Variants in APMAP observed in about 807,000 individuals in gnomAD.
The protein encoded by APMAP is adipocyte plasma membrane associated protein.
In APMAP, 33 loss-of-function variants were observed where a neutral mutation model predicts 43.6. The ratio of observed to expected loss-of-function variants is 0.76; its 90% CI spans 0.57 to 1.01. The LOEUF is 1.01. APMAP is among the 50% of genes least tolerant of loss of function. The pLI is 0.00. For missense variants in APMAP, 498 were observed against 540.7 expected (o/e 0.92, Z 0.78); for synonymous variants, 224 against 216.7 (o/e 1.03, Z -0.30).
At chr20:24,980,854 T>C (rs963766233) in intron 2 of APMAP, among the ~76,000 whole-genome samples, 2 of 151,036 alleles carry the variant, frequency 1.3e-5, no homozygotes, top group Non-Finnish European at 3.0e-5. Flanking sequence ...GCTGCCAGCT[T>C]CGCTCGGCCT....
chr20:24,978,367 T>C (rs1457430022), intron 3 of APMAP, among the ~76,000 whole-genome samples: 1 of 152,228 alleles, frequency 6.6e-6, no homozygotes. Context: ...TGAGAACCAT[T>C]TGTCTTCATC....
intron 2 of APMAP, among the ~76,000 whole-genome samples, chr20:24,980,387 G>T (rs944773507): frequency 6.6e-6 from 1 of 152,232 alleles, no homozygotes; most frequent in African/African-American, 2.4e-5. Flanking sequence ...TGGGGCAATT[G>T]GTGCCATGCT....
chr20:24,963,691 G>A lies in APMAP; in HGVS notation c.*122C>T. ...AGCAGCCATTCCCACCACCTCTCAG[G>A]GACTAACAGGTGCATGTGGACACTT... On this transcript the variant is annotated 3_prime_UTR_variant, in exon 9 of 9. Transcript: ENST00000217456. 4 of 1,025,566 alleles carry A rather than the reference G, an allele frequency of 3.9e-6. No individual in the cohort carries two copies. The highest frequency in any genetic ancestry group is 4.4e-6 in the Non-Finnish European group (3 of 684,418). The allele number at this position is 1,025,566 out of a possible 1,614,324, so 63.5% of individuals were successfully genotyped here. A position where few individuals can be genotyped will look rare whatever the true frequency, so the allele number is the denominator to read the frequency against.
At chr20:24,971,600 T>C (rs780179816) in intron 4 of APMAP, 24 bp from the exon 5 acceptor site, 2 of 1,590,774 alleles carry the variant, frequency 1.3e-6, no homozygotes, top group South Asian at 2.2e-5. Context: ...CAGATGGGGA[T>C]TGGTAGCTGG....
Position 24,970,341 on chromosome 20 carries a change from G to A in APMAP, c.569C>T (p.Thr190Ile), listed in dbSNP as rs2087987802. Residue 190 changes from threonine (T) to isoleucine (I), a missense_variant, in exon 6 of 9, where the codon ACA becomes ATA. Physicochemically the swap from Thr to Ile is moderately conservative, Grantham distance 89. Coordinates refer to ENST00000217456, the MANE Select transcript of APMAP (RefSeq NM_020531.3). ...GGACATGTTCTTCCCCTCAATGGGTGTCTCGGAGGACAGCAGCAGTTTCAC... is the reference window on the plus strand; with the variant it reads ...GGACATGTTCTTCCCCTCAATGGGTATCTCGGAGGACAGCAGCAGTTTCAC... ...REVKLLLSSE[T>I]PIEGKNMSFV... The A allele has an allele frequency of 6.2e-7, 1 of 1,613,318 alleles. No individual in the cohort carries two copies. Among genetic ancestry groups the A allele is most frequent in the Non-Finnish European group, 8.5e-7 (1 of 1,179,576 alleles).
intron 5 of APMAP, among the ~76,000 whole-genome samples, chr20:24,970,914 C>T (rs1000158229): frequency 2.0e-5 from 3 of 152,120 alleles, no homozygotes; most frequent in Non-Finnish European, 4.4e-5. Flanking sequence ...GAGTGGAATG[C>T]CCCCAAGCAG....
At chr20:24,967,231 G>T (rs1349057092) in intron 8 of APMAP, among the ~76,000 whole-genome samples, 1 of 152,214 alleles carries the variant, frequency 6.6e-6, no homozygotes, top group Non-Finnish European at 1.5e-5. Flanking sequence ...GGAGGCAGAG[G>T]TTGCAGTGAG....
chr20:24,973,817 T>C lies in APMAP; in HGVS notation c.329-80A>G, dbSNP rs2088027203. 14 of 1,255,192 alleles carry C rather than the reference T, an allele frequency of 1.1e-5. No homozygotes were observed. In the South Asian group the frequency reaches 1.6e-4, roughly 14 times the overall value. The allele number at this position is 1,255,192 out of a possible 1,614,324, so 77.8% of individuals were successfully genotyped here. On this transcript the variant is annotated intron_variant, in intron 3 of 8. Transcript: ENST00000217456. ...AAGCCGCCTTCTCCTACAAGAGGGC[T>C]TGTTTACATGTTCCCCCTGCCCTAT...
At chr20:24,978,738 G>GCCCCC (rs754035209) in intron 3 of APMAP, 29 bp downstream of exon 3, 64 of 1,310,676 alleles carry the variant, frequency 4.9e-5, no homozygotes, top group Middle Eastern at 2.5e-4. Context: ...AGCCTGGAAG[G>GCCCCC]CTCCCCCCCC....
chr20:24,963,790 G>A lies in APMAP; in HGVS notation c.*23C>T. 18 of 1,610,708 alleles carry A rather than the reference G, an allele frequency of 1.1e-5. No homozygotes were observed. Among genetic ancestry groups the A allele is most frequent in the Non-Finnish European group, 1.5e-5 (18 of 1,177,228 alleles). On this transcript the variant is annotated 3_prime_UTR_variant, in exon 9 of 9. Coordinates refer to ENST00000217456, the MANE Select transcript of APMAP (RefSeq NM_020531.3). ...AGTGTGAAGACTCCTGGCCTGCGTG[G>A]CAGGGGCAGCTATCTGGGAGGGCTA...
At position 24,992,648 on chromosome 20, in the gene APMAP, C is replaced by A. The variant is rs758807195; in HGVS notation, c.41G>T (p.Arg14Leu). Residue 14 changes from arginine (R) to leucine (L), a missense_variant, in exon 1 of 9, where the codon CGG becomes CTG. By Grantham distance (102) the Arg-to-Leu change is moderately radical. Transcript: ENST00000217456. ...ADGLRQRRPL[R>L]PQVVTDDDGQ... ...ATCATCGTCTGTGACGACCTGCGGC[C>A]GCAGGGGCCGGCGCTGTCGCAGCCC... is the stretch of plus-strand genomic sequence containing the variant. The A allele has an allele frequency of 2.6e-6, 4 of 1,564,436 alleles. No homozygotes were observed. The South Asian group carries it at 3.5e-5, about 14-fold the overall frequency.
At position 24,971,006 on chromosome 20, in the gene APMAP, A is replaced by G. The variant is rs539686218; in HGVS notation, c.538+454T>C. 9.8e-5 allele frequency among the ~76,000 whole-genome samples: 15 copies of G among 152,340 alleles called. No individual in the cohort carries two copies. The East Asian group carries it at 2.9e-3, about 29-fold the overall frequency. ...AGCAGGAACCTCCACTGAGACACAC[A>G]GCACGTATTACAGCCTGATCAAGGG... On this transcript the variant is annotated intron_variant, in intron 5 of 8. Coordinates refer to ENST00000217456, the MANE Select transcript of APMAP (RefSeq NM_020531.3).
At chr20:24,987,167 G>C (rs141419479) in intron 1 of APMAP, among the ~76,000 whole-genome samples, 2,240 of 152,238 alleles carry the variant, frequency 0.015, 61 homozygotes, top group African/African-American at 0.05. Context: ...ATGTCAACCA[G>C]GCTGGAGTAC....
chr20:24,970,220 C>T lies in APMAP; in HGVS notation c.690G>A (p.Val230=). Residue 230 remains valine (V), a synonymous_variant, in exon 6 of 9, where the codon GTG becomes GTA. Transcript: ENST00000217456. ...KWQRRDYLLL[V]MEGTDDGRLL... is the part of the protein sequence containing the mutation. ...ACCGCCCGTCATCTGTGCCCTCCAT[C>T]ACCAGAAGCAGGTAGTCTCGTCTTT... 6.2e-7 allele frequency: 1 copy of T among 1,614,192 alleles called. No homozygotes were observed. The highest frequency in any genetic ancestry group is 8.5e-7 in the Non-Finnish European group (1 of 1,180,038).
intron 1 of APMAP, among the ~76,000 whole-genome samples, chr20:24,987,087 T>C (rs1030840473): frequency 3.9e-5 from 6 of 152,238 alleles, no homozygotes; most frequent in East Asian, 3.8e-4. Flanking sequence ...TGATTATGTA[T>C]GTATCTACCA....
intron 8 of APMAP, among the ~76,000 whole-genome samples, chr20:24,965,696 T>C (rs1050883462): frequency 2.6e-5 from 4 of 152,150 alleles, no homozygotes; most frequent in African/African-American, 7.2e-5. Context: ...CTCCAGCACA[T>C]GGTCAGGGAG....
At chr20:24,989,786 A>C (rs1301216583) in intron 1 of APMAP, among the ~76,000 whole-genome samples, 1 of 152,236 alleles carries the variant, frequency 6.6e-6, no homozygotes, top group Non-Finnish European at 1.5e-5. Flanking sequence ...CACCTGGGGC[A>C]AAGCTGAGAC....
chr20:24,965,287 C>A (rs1259884774), intron 8 of APMAP, among the ~76,000 whole-genome samples: 1 of 152,264 alleles, frequency 6.6e-6, no homozygotes, highest in African/African-American at 2.4e-5. Context: ...GCCCTGCCGC[C>A]TCTCCCCAGT....
At chr20:24,982,864 C>A (rs1185543896) in intron 2 of APMAP, among the ~76,000 whole-genome samples, 2 of 152,174 alleles carry the variant, frequency 1.3e-5, no homozygotes, top group Middle Eastern at 3.4e-3. Flanking sequence ...GACGCCCCTC[C>A]TTTGGAGACA....
Sources: allele counts gnomAD v4.1 joint callset (sites outside exome capture counted in the v4.1 genomes callset), GRCh38; gene constraint gnomAD v4.1.1; transcripts MANE v1.5; gene names NCBI Gene and HGNC (gene_info 2026-07-23, HGNC 2026-07-21).